Variants in SLC44A5 observed in about 807,000 individuals in gnomAD.
The protein encoded by SLC44A5 is choline transporter-like protein 5.
SLC44A5 carries 57 observed loss-of-function variants against 101.8 expected under a neutral mutation model. The observed-to-expected ratio is 0.56, with a 90% CI of 0.45 to 0.70. The LOEUF is 0.70. Ranked by LOEUF, SLC44A5 falls within the 30% of genes least tolerant of loss-of-function variation. The probability of loss-of-function intolerance (pLI) is 0.00; values close to 1 mark genes in which losing one functional copy is unlikely to be tolerated. For missense variants in SLC44A5, 737 were observed against 853.1 expected, an observed-to-expected ratio of 0.86 and a Z score of 1.70; for synonymous variants, 281 against 290.9, an observed-to-expected ratio of 0.97 and a Z score of 0.35.
At chr1:75,431,414 T>A (rs1664605394) in intron 2 of SLC44A5, among the ~76,000 whole-genome samples, 1 of 152,176 alleles carries the variant, frequency 6.6e-6, no homozygotes, top group African/African-American at 2.4e-5. Context: ...TGTGTGGGAT[T>A]GATTGGGTTA....
chr1:75,332,034 T>G (rs909749357), intron 4 of SLC44A5, among the ~76,000 whole-genome samples: 1 of 152,168 alleles, frequency 6.6e-6, no homozygotes, highest in African/African-American at 2.4e-5. Context: ...TTCTTCCCTC[T>G]TCCAAGAAGA....
chr1:75,402,955 C>G (rs1662592446), intron 2 of SLC44A5, among the ~76,000 whole-genome samples: 1 of 152,218 alleles, frequency 6.6e-6, no homozygotes, highest in South Asian at 2.1e-4. Flanking sequence ...GCTCGAAATT[C>G]TCGCTGACAG....
chr1:75,357,223 A>G (rs1659148179), intron 3 of SLC44A5: 1 of 455,676 alleles, frequency 2.2e-6, no homozygotes. Context: ...TGTCTTTCCA[A>G]CCTCTAAAAG....
At chr1:75,422,650 G>A (rs1664078398) in intron 2 of SLC44A5, among the ~76,000 whole-genome samples, 1 of 152,192 alleles carries the variant, frequency 6.6e-6, no homozygotes, top group African/African-American at 2.4e-5. Context: ...GATTTGGAAT[G>A]TGCAGCAAGT....
chr1:75,351,846 C>CAAAAAAAAAAAAAAAAA, intron 3 of SLC44A5, among the ~76,000 whole-genome samples: 1 of 28,400 alleles, frequency 3.5e-5, no homozygotes, highest in Non-Finnish European at 5.9e-5. Context: ...CACACTTTAC[C>CAAAAAAAAAAAAAAAAA]AAAAAAAAAA....
intron 1 of SLC44A5, among the ~76,000 whole-genome samples, chr1:75,557,574 T>TA (rs777214473): frequency 2.0e-5 from 3 of 152,114 alleles, no homozygotes; most frequent in Non-Finnish European, 2.9e-5. Context: ...CTACAAGTGT[T>TA]ATCTGGGTAT....
chr1:75,692,979 T>C, the SLC44A5 span, among the ~76,000 whole-genome samples: 1 of 152,036 alleles, frequency 6.6e-6, no homozygotes, highest in African/African-American at 2.4e-5. Context: ...CTGTTGAAGG[T>C]ATATGCAAAG....
At chr1:75,689,685 T>C in the SLC44A5 span, among the ~76,000 whole-genome samples, 8 of 152,288 alleles carry the variant, frequency 5.3e-5, no homozygotes, top group African/African-American at 1.9e-4. Flanking sequence ...GTTTGAAAGA[T>C]TTACCAACAG....
At chr1:75,401,392 T>C (rs1662467363) in intron 2 of SLC44A5, among the ~76,000 whole-genome samples, 1 of 152,198 alleles carries the variant, frequency 6.6e-6, no homozygotes, top group Non-Finnish European at 1.5e-5. Context: ...ATACCAATCA[T>C]TATTTGCTTG....
rs573409208 is a variant in SLC44A5, at chr1:75,448,194, A to G, written c.14-51573T>C. On this transcript the variant is annotated intron_variant, in intron 2 of 23. Coordinates refer to ENST00000370859, the MANE Select transcript of SLC44A5 (RefSeq NM_001130058.2). ...TATCACAAATAAAAAATGCAAAATGAGTAGAACAAAGGCAGTGGGGAGGCT... is the reference window on the plus strand; with the variant it reads ...TATCACAAATAAAAAATGCAAAATGGGTAGAACAAAGGCAGTGGGGAGGCT... 1.9e-3 allele frequency among the ~76,000 whole-genome samples: 289 copies of G among 152,310 alleles called. 1 individual carries two copies. Among genetic ancestry groups the G allele is most frequent in the African/African-American group, 6.5e-3 (269 of 41,570 alleles).
At chr1:75,363,613 G>T (rs1659655976) in intron 3 of SLC44A5, among the ~76,000 whole-genome samples, 1 of 151,764 alleles carries the variant, frequency 6.6e-6, no homozygotes, top group Admixed American at 6.6e-5. Context: ...ACACCTTTTT[G>T]TGATTTGTAT....
the SLC44A5 span, among the ~76,000 whole-genome samples, chr1:75,722,775 A>C: frequency 1.3e-5 from 2 of 152,116 alleles, no homozygotes; most frequent in East Asian, 1.9e-4. Context: ...CCTTCATTTG[A>C]TCTCACAATG....
At chr1:75,287,920 G>A (rs913103827) in intron 5 of SLC44A5, among the ~76,000 whole-genome samples, 8 of 152,082 alleles carry the variant, frequency 5.3e-5, no homozygotes, top group African/African-American at 1.9e-4. Flanking sequence ...ATTTTGTGTT[G>A]GCCTCCAGCC....
the SLC44A5 span, among the ~76,000 whole-genome samples, chr1:75,618,952 C>T: frequency 1.3e-5 from 2 of 151,848 alleles, no homozygotes; most frequent in Admixed American, 1.3e-4. Flanking sequence ...TACCTGTAAT[C>T]CCAGTTACTT....
chr1:75,505,562 G>T lies in SLC44A5; in HGVS notation c.13+35873C>A, dbSNP rs965680536. Among the ~76,000 whole-genome samples, 3 of 152,036 alleles carry T rather than the reference G, an allele frequency of 2.0e-5. No individual in the cohort carries two copies. In the East Asian group the frequency reaches 5.8e-4, roughly 29 times the overall value. On this transcript the variant is annotated intron_variant, in intron 2 of 23. Transcript: ENST00000370859. The stretch of plus-strand genomic sequence containing the variant: ...TAAGTCATTCTGACTAGTGTGAGAT[G>T]GTATTTCATTATGGGTTTGATTTTC...
the SLC44A5 span, among the ~76,000 whole-genome samples, chr1:75,669,944 G>A: frequency 6.6e-6 from 1 of 152,002 alleles, no homozygotes; most frequent in Non-Finnish European, 1.5e-5. Flanking sequence ...GAATTATTAG[G>A]GGAAAAACAA....
intron 4 of SLC44A5, among the ~76,000 whole-genome samples, chr1:75,330,766 T>C (rs797019995): frequency 3.3e-5 from 5 of 152,280 alleles, no homozygotes; most frequent in African/African-American, 1.2e-4. Context: ...CAATCTCTAA[T>C]GAACTCTTCT....
intron 22 of SLC44A5, among the ~76,000 whole-genome samples, chr1:75,211,814 C>CTT (rs1553140825): frequency 4.1e-5 from 6 of 146,668 alleles, no homozygotes; most frequent in Non-Finnish European, 9.0e-5. Context: ...TTCCTTTCCC[C>CTT]TTTCTTTTCT....
chr1:75,608,777 T>A (rs1226054539), intron 1 of SLC44A5, among the ~76,000 whole-genome samples: 2 of 151,872 alleles, frequency 1.3e-5, no homozygotes, highest in African/African-American at 2.4e-5. Flanking sequence ...TTCCACTGCT[T>A]CATGTCCTTC....
Sources: allele counts gnomAD v4.1 joint callset (sites outside exome capture counted in the v4.1 genomes callset), GRCh38; gene constraint gnomAD v4.1.1; transcripts MANE v1.5; gene names NCBI Gene and HGNC (gene_info 2026-07-23, HGNC 2026-07-21).